GSK3B: variants seen among roughly 807,000 people sequenced by gnomAD.
The protein encoded by GSK3B is glycogen synthase kinase-3 beta.
In GSK3B, 15 loss-of-function variants were observed where a neutral mutation model predicts 56.4. The ratio of observed to expected loss-of-function variants is 0.27; its 90% CI spans 0.18 to 0.41. GSK3B has a LOEUF of 0.41. Among genes scored for constraint, GSK3B ranks in the 10% least tolerant of loss-of-function variants. The pLI, the probability that GSK3B is intolerant of heterozygous loss-of-function variation, is 1.00. For synonymous variants in GSK3B, 181 were observed against 188.9 expected (o/e 0.96, Z 0.34); for missense variants, 300 against 513.4 (o/e 0.58, Z 4.02).
intron 9 of GSK3B, among the ~76,000 whole-genome samples, chr3:119,854,793 A>G (rs1559809277): frequency 6.6e-6 from 1 of 151,918 alleles, no homozygotes; most frequent in Non-Finnish European, 1.5e-5. Context: ...TATTGCGTCT[A>G]TTCGATTCTT....
intron 1 of GSK3B, among the ~76,000 whole-genome samples, chr3:120,064,612 C>T (rs1200907087): frequency 2.0e-5 from 3 of 152,114 alleles, no homozygotes; most frequent in Admixed American, 2.0e-4. Flanking sequence ...TCAACTCAAT[C>T]CCTACCAAAA....
chr3:119,860,942 C>T (rs1362469738), intron 9 of GSK3B, among the ~76,000 whole-genome samples: 1 of 152,130 alleles, frequency 6.6e-6, no homozygotes, highest in Non-Finnish European at 1.5e-5. Flanking sequence ...AGAAGAACCT[C>T]ACTAATACCC....
intron 6 of GSK3B, among the ~76,000 whole-genome samples, chr3:119,912,344 C>A (rs944552310): frequency 3.3e-5 from 5 of 152,010 alleles, no homozygotes; most frequent in Admixed American, 6.6e-5. Context: ...TCATAGATCA[C>A]CATAGCAGAT....
intron 6 of GSK3B, among the ~76,000 whole-genome samples, chr3:119,908,251 ACAAT>A (rs1245083166): frequency 1.3e-5 from 2 of 152,162 alleles, no homozygotes; most frequent in African/African-American, 2.4e-5. Context: ...CTTTTTGAGA[ACAAT>A]CAAACTGCCT....
chr3:119,837,432 T>G (rs1441941328), intron 10 of GSK3B, among the ~76,000 whole-genome samples: 1 of 152,050 alleles, frequency 6.6e-6, no homozygotes, highest in Non-Finnish European at 1.5e-5. Context: ...CCCAAAGTGC[T>G]GGGACTACAG....
chr3:119,858,964 C>G (rs1022447937), intron 9 of GSK3B, among the ~76,000 whole-genome samples: 1 of 151,896 alleles, frequency 6.6e-6, no homozygotes, highest in Non-Finnish European at 1.5e-5. Context: ...ACTTCCAAAA[C>G]AATCACAATA....
chr3:119,941,648 A>C (rs1198676275), intron 3 of GSK3B, among the ~76,000 whole-genome samples: 2 of 152,242 alleles, frequency 1.3e-5, no homozygotes, highest in African/African-American at 2.4e-5. Context: ...ACATATAAAA[A>C]GCGCAATATA....
At chr3:120,007,749 G>A (rs2057742152) in intron 1 of GSK3B, among the ~76,000 whole-genome samples, 1 of 152,064 alleles carries the variant, frequency 6.6e-6, no homozygotes, top group Admixed American at 6.6e-5. Context: ...AATAAACTTG[G>A]TATCGATGGA....
intron 1 of GSK3B, among the ~76,000 whole-genome samples, chr3:120,060,853 T>C (rs781750748): frequency 6.6e-6 from 1 of 152,196 alleles, no homozygotes; most frequent in Non-Finnish European, 1.5e-5. Flanking sequence ...AAATACCTGA[T>C]TGCAACACCA....
chr3:120,022,818 C>G lies in GSK3B; in HGVS notation c.89-20579G>C, dbSNP rs148753517. Among the ~76,000 whole-genome samples, 11 of 152,340 alleles carry G rather than the reference C, an allele frequency of 7.2e-5. No individual in the cohort carries two copies. The East Asian group carries it at 2.1e-3, about 29-fold the overall frequency. On this transcript the variant is annotated intron_variant, in intron 1 of 10. Coordinates refer to ENST00000264235, the MANE Select transcript of GSK3B (RefSeq NM_001146156.2). ...TAATCCTGCACTCACAGTGGGTCTA[C>G]AACTGGGACTTGGTTCCTTTATCAC...
intron 1 of GSK3B, among the ~76,000 whole-genome samples, chr3:120,066,328 T>C (rs1237438980): frequency 6.6e-6 from 1 of 152,076 alleles, no homozygotes; most frequent in African/African-American, 2.4e-5. Context: ...GCCTGGAACA[T>C]CTTGTCATAC....
At position 119,916,144 on chromosome 3, in the gene GSK3B, C is replaced by T. The variant is rs200780530; in HGVS notation, c.508G>A (p.Ala170Thr). 3.7e-6 allele frequency: 6 copies of T among 1,608,838 alleles called. No individual in the cohort carries two copies. The highest frequency in any genetic ancestry group is 5.1e-6 in the Non-Finnish European group (6 of 1,175,416). ...LYMYQLFRSL[A>T]YIHSFGICHR... The stretch of plus-strand genomic sequence containing the variant: ...CAGATTCCAAAGGAATGGATATAGG[C>T]TAAACTTCGGAACAGCTGATACATA... The change falls in exon 5 of 11, where the codon GCC becomes ACC. Residue 170 changes from alanine (A) to threonine (T), a missense_variant. Around this residue, in one of 6 missense-constraint regions of GSK3B, gnomAD observed 62 missense variants for 84.0 expected, o/e 0.74. Coordinates refer to ENST00000264235, the MANE Select transcript of GSK3B (RefSeq NM_001146156.2).
chr3:119,842,154 T>G, intron 10 of GSK3B, among the ~76,000 whole-genome samples: 1 of 152,182 alleles, frequency 6.6e-6, no homozygotes, highest in East Asian at 1.9e-4. Context: ...TTAAAACTTT[T>G]AAGTTTTAAA....
chr3:119,939,248 T>C (rs1237094088), intron 3 of GSK3B, among the ~76,000 whole-genome samples: 1 of 152,116 alleles, frequency 6.6e-6, no homozygotes, highest in Non-Finnish European at 1.5e-5. Flanking sequence ...TTCTGACAAT[T>C]GCACATACTT....
At chr3:119,986,435 T>A (rs1471088810) in intron 2 of GSK3B, among the ~76,000 whole-genome samples, 2 of 151,640 alleles carry the variant, frequency 1.3e-5, no homozygotes, top group Admixed American at 1.3e-4. Context: ...AATCTATCCA[T>A]CTGACAAAGG....
intron 2 of GSK3B, among the ~76,000 whole-genome samples, chr3:119,966,911 A>T (rs570534171): frequency 1.9e-4 from 29 of 152,326 alleles, no homozygotes; most frequent in African/African-American, 7.0e-4. Flanking sequence ...ACATTCAGGA[A>T]TAAATTTAAC....
chr3:119,931,406 G>C (rs191741674), intron 3 of GSK3B, among the ~76,000 whole-genome samples: 11 of 152,186 alleles, frequency 7.2e-5, no homozygotes, highest in Admixed American at 7.2e-4. Context: ...TCTTGAGCCC[G>C]GAAGTTTAAC....
intron 1 of GSK3B, among the ~76,000 whole-genome samples, chr3:120,035,077 A>T (rs1245301420): frequency 1.3e-5 from 2 of 152,026 alleles, no homozygotes; most frequent in Non-Finnish European, 2.9e-5. Flanking sequence ...TGGGCGAGAG[A>T]GTGAGACTCC....
chr3:119,922,949 C>G (rs983996859), intron 4 of GSK3B, among the ~76,000 whole-genome samples: 4 of 152,146 alleles, frequency 2.6e-5, no homozygotes, highest in Non-Finnish European at 4.4e-5. Flanking sequence ...ACAGTTTAAG[C>G]TGCAGCTACA....
Sources: allele counts gnomAD v4.1 joint callset (sites outside exome capture counted in the v4.1 genomes callset), GRCh38; gene constraint gnomAD v4.1.1; regional missense constraint gnomAD v4.1.1; transcripts MANE v1.5; gene names NCBI Gene and HGNC (gene_info 2026-07-23, HGNC 2026-07-21).